Variants in CENPQ observed in about 807,000 individuals in gnomAD.
CENPQ encodes chromosome 6 open reading frame 139.
Under a neutral mutation model 36.6 loss-of-function variants are expected in CENPQ, and 27 were observed. The ratio of observed to expected loss-of-function variants is 0.74; its 90% CI spans 0.54 to 1.02. The LOEUF (loss-of-function observed/expected upper bound fraction) is 1.02. Among genes scored for constraint, CENPQ ranks in the 50% least tolerant of loss-of-function variants. The probability of loss-of-function intolerance (pLI) is 0.00; values close to 1 mark genes in which losing one functional copy is unlikely to be tolerated. For synonymous variants in CENPQ, 101 were observed against 101.7 expected, an observed-to-expected ratio of 0.99 and a Z score of 0.04; for missense variants, 306 against 301.8, an observed-to-expected ratio of 1.01 and a Z score of -0.10.
chr6:49,468,006 T>C (rs538014904), intron 1 of CENPQ, among the ~76,000 whole-genome samples: 1 of 151,942 alleles, frequency 6.6e-6, no homozygotes, highest in South Asian at 2.1e-4. Flanking sequence ...GTAGGCAGAG[T>C]TAGGTTGGTA....
At chr6:49,469,102 A>G (rs996675558) in intron 1 of CENPQ, among the ~76,000 whole-genome samples, 1 of 152,192 alleles carries the variant, frequency 6.6e-6, no homozygotes, top group African/African-American at 2.4e-5. Context: ...TGCTAAATGT[A>G]GTTTGTGATC....
chr6:49,483,777 C>G (rs536016717), intron 6 of CENPQ, among the ~76,000 whole-genome samples: 1 of 152,244 alleles, frequency 6.6e-6, no homozygotes, highest in Non-Finnish European at 1.5e-5. Flanking sequence ...GGCGCAGCCC[C>G]GGTTCCCGCT....
chr6:49,463,698 A>G (rs1482855898), intron 1 of CENPQ, among the ~76,000 whole-genome samples: 1 of 152,166 alleles, frequency 6.6e-6, no homozygotes, highest in African/African-American at 2.4e-5. Flanking sequence ...CTCATGGCTC[A>G]TCCTCATTGC....
chr6:49,474,366 C>T (rs548623081), intron 5 of CENPQ, among the ~76,000 whole-genome samples: 1 of 152,230 alleles, frequency 6.6e-6, no homozygotes, highest in Admixed American at 6.5e-5. Flanking sequence ...AAGAAACTCA[C>T]TCAAAACCAC....
At chr6:49,487,224 A>C (rs554036342) in intron 6 of CENPQ, among the ~76,000 whole-genome samples, 26 of 117,232 alleles carry the variant, frequency 2.2e-4, no homozygotes, top group African/African-American at 8.4e-4. Flanking sequence ...TCAAGTGAAT[A>C]GAGCTCACAG....
intron 6 of CENPQ, among the ~76,000 whole-genome samples, chr6:49,485,930 C>T (rs1768566690): frequency 6.6e-6 from 1 of 152,086 alleles, no homozygotes; most frequent in Non-Finnish European, 1.5e-5. Flanking sequence ...CCCTTTTGTT[C>T]ATTCAATGCT....
At chr6:49,490,689 A>C (rs1768700364) in intron 8 of CENPQ, among the ~76,000 whole-genome samples, 1 of 152,196 alleles carries the variant, frequency 6.6e-6, no homozygotes, top group African/African-American at 2.4e-5. Flanking sequence ...AAGAGACATG[A>C]TTCTTCTTTT....
chr6:49,478,779 G>A (rs916369782), intron 5 of CENPQ, among the ~76,000 whole-genome samples: 13 of 152,116 alleles, frequency 8.5e-5, no homozygotes, highest in Non-Finnish European at 1.3e-4. Context: ...AAGTTTGCTA[G>A]GCAAACAAAA....
At chr6:49,491,775 T>G (rs1768726885) in intron 8 of CENPQ, among the ~76,000 whole-genome samples, 1 of 151,986 alleles carries the variant, frequency 6.6e-6, no homozygotes, top group African/African-American at 2.4e-5. Flanking sequence ...ATTAGCCAGG[T>G]GTGGTGGCAC....
Position 49,487,168 on chromosome 6 carries a change from A to AAAAAAAAAAAAAAGATGGGCCTGAGTTG in CENPQ, c.478-1183_478-1182insAAAAAAAAAAAAGATGGGCCTGAGTTGA, listed in dbSNP as rs541811843. On this transcript the variant is annotated intron_variant, in intron 6 of 8. Transcript: ENST00000335783. ...AACTCCATCTCAAAAAAAAAAAAAA[A>AAAAAAAAAAAAAAGATGGGCCTGAGTTG]ATAAAAAAAATAAAAACAGAGTCTG... Among the ~76,000 whole-genome samples, 2 of 72,352 alleles carry AAAAAAAAAAAAAAGATGGGCCTGAGTTG rather than the reference A, an allele frequency of 2.8e-5. 1 individual carries two copies. The highest frequency in any genetic ancestry group is 6.6e-5 in the Non-Finnish European group (2 of 30,496). 47.5% of individuals were successfully genotyped at this position (72,352 alleles called of 152,430 possible).
At chr6:49,469,799 T>C (rs1436649858) in intron 1 of CENPQ, among the ~76,000 whole-genome samples, 1 of 152,216 alleles carries the variant, frequency 6.6e-6, no homozygotes, top group Non-Finnish European at 1.5e-5. Context: ...CTACTTTATA[T>C]TTCTATTTCC....
At chr6:49,490,388 A>T (rs1444409188) in intron 8 of CENPQ, among the ~76,000 whole-genome samples, 1 of 152,192 alleles carries the variant, frequency 6.6e-6, no homozygotes, top group Non-Finnish European at 1.5e-5. Context: ...GCCTTCATAG[A>T]CTTGAAAACA....
At chr6:49,472,980 A>G in intron 5 of CENPQ, 122 bp downstream of exon 5, 1 of 628,970 alleles carries the variant, frequency 1.6e-6, no homozygotes, top group East Asian at 4.2e-5. Flanking sequence ...GAAGGTGAAC[A>G]ACTTGGAAGT....
chr6:49,472,307 G>T, intron 4 of CENPQ, 124 bp downstream of exon 4: 1 of 796,458 alleles, frequency 1.3e-6, no homozygotes, highest in Non-Finnish European at 1.8e-6. Flanking sequence ...TTCGGAAGCA[G>T]ATAAAATTAA....
chr6:49,476,315 C>A (rs13215267), intron 5 of CENPQ, among the ~76,000 whole-genome samples: 5 of 152,210 alleles, frequency 3.3e-5, no homozygotes, highest in African/African-American at 9.6e-5. Flanking sequence ...CAAAAACAAG[C>A]AATGGGGAAA....
At chr6:49,483,069 C>T (rs916939085) in intron 6 of CENPQ, among the ~76,000 whole-genome samples, 22 of 152,302 alleles carry the variant, frequency 1.4e-4, no homozygotes, top group Admixed American at 5.2e-4. Flanking sequence ...GCCCCACCCA[C>T]ATCCTGCTGA....
intron 6 of CENPQ, among the ~76,000 whole-genome samples, chr6:49,483,261 G>A (rs1312676909): frequency 2.0e-5 from 3 of 152,142 alleles, no homozygotes. Context: ...CAAACCTTGA[G>A]CTAGATACAG....
Position 49,473,664 on chromosome 6 carries a change from A to G in CENPQ, c.347+806A>G, listed in dbSNP as rs189545521. Among the ~76,000 whole-genome samples the G allele has an allele frequency of 2.9e-3, 437 of 152,306 alleles. 1 individual carries two copies. The highest frequency in any genetic ancestry group is 6.8e-3 in the African/African-American group (283 of 41,576). ...CATAATGACAGGATCAAATTCACAC[A>G]TAACAATATTAACCTTAAATGTAAA... On this transcript the variant is annotated intron_variant, in intron 5 of 8. Transcript: ENST00000335783.
At chr6:49,469,650 A>G (rs1324912836) in intron 1 of CENPQ, among the ~76,000 whole-genome samples, 1 of 152,196 alleles carries the variant, frequency 6.6e-6, no homozygotes, top group Non-Finnish European at 1.5e-5. Context: ...TCAGACTAAC[A>G]CATGAATTTC....
Sources: gnomAD v4.1 joint callset for allele counts (sites outside exome capture counted in the v4.1 genomes callset) on GRCh38, gnomAD v4.1.1 for gene constraint, MANE v1.5 for transcripts, NCBI Gene and HGNC (gene_info 2026-07-23, HGNC 2026-07-21) for gene names.